Variants in NECTIN1 observed in about 807,000 individuals in gnomAD.
NECTIN1 encodes the protein nectin cell adhesion molecule 1.
NECTIN1 carries 23 observed loss-of-function variants against 48.0 expected under a neutral mutation model. The ratio of observed to expected loss-of-function variants is 0.48; its 90% CI spans 0.34 to 0.68. NECTIN1 has a LOEUF of 0.68. Ranked by LOEUF, NECTIN1 falls within the 30% of genes least tolerant of loss-of-function variation. The pLI is 0.01. For missense variants in NECTIN1, 591 were observed against 709.9 expected (o/e 0.83, Z 1.90); for synonymous variants, 270 against 288.9 (o/e 0.93, Z 0.66).
At chr11:119,647,160 CAT>C (rs1491191888) in intron 5 of NECTIN1, among the ~76,000 whole-genome samples, 17 of 71,356 alleles carry the variant, frequency 2.4e-4, no homozygotes, top group African/African-American at 6.0e-4. Context: ...GCTTGCGGCG[CAT>C]GTGTGTGTGT....
At position 119,665,016 on chromosome 11, in the gene NECTIN1, C is replaced by A. The variant is rs1197081462; in HGVS notation, c.1285G>T (p.Gly429Cys). The change falls in exon 6 of 6, where the codon GGC (glycine) becomes TGC (cysteine). Residue 429 changes from glycine (G) to cysteine (C), a missense_variant. By Grantham distance (159) the Gly-to-Cys change is radical. Transcript: ENST00000264025. The surrounding 1 kb of genome is among the most constrained non-coding windows in gnomAD (Gnocchi z 5.1). ...PDDSDDEKKA[G>C]PLGGSSYEEE... ...TCATAGCTGCTTCCACCCAGTGGGC[C>A]GGCCTTCTTCTCGTCGTCTGAGTCG... The A allele has an allele frequency of 6.2e-7, 1 of 1,613,814 alleles. No individual in the cohort carries two copies. The highest frequency in any genetic ancestry group is 8.5e-7 in the Non-Finnish European group (1 of 1,179,908).
At chr11:119,640,200 C>G (rs73571279) in intron 5 of NECTIN1, 9,636 of 644,952 alleles carry the variant, frequency 0.015, 650 homozygotes, top group African/African-American at 0.15. Context: ...GGCTCCTCCT[C>G]TAGTTCCCTA....
chr11:119,638,802 C>G lies in NECTIN1; in HGVS notation c.1156G>C (p.Asp386His), dbSNP rs143612966. 1.9e-6 allele frequency: 3 copies of G among 1,613,474 alleles called. No homozygotes were observed. In the East Asian group the frequency reaches 6.7e-5, roughly 36 times the overall value. Residue 386 changes from aspartate (D) to histidine (H), a missense_variant, in exon 7 of 8, where the codon GAC (aspartate) becomes CAC (histidine). Asp to His is a moderately conservative substitution (Grantham distance 81, BLOSUM62 -1). Coordinates refer to the NECTIN1 transcript ENST00000341398. ...TCCGGCTTCTGGGAGAGGGGCTGGT[C>G]GGTCCTGGAGACAGAATGAGGGTAA...
intron 5 of NECTIN1, among the ~76,000 whole-genome samples, chr11:119,644,056 C>A (rs1864361277): frequency 6.6e-6 from 1 of 152,234 alleles, no homozygotes; most frequent in Non-Finnish European, 1.5e-5. Flanking sequence ...CTGGGCTCCT[C>A]TCAATGGCTT....
chr11:119,681,513 T>C (rs1299956596), intron 1 of NECTIN1, among the ~76,000 whole-genome samples: 3 of 152,190 alleles, frequency 2.0e-5, no homozygotes, highest in Non-Finnish European at 4.4e-5. Flanking sequence ...TGACATTCAT[T>C]GTCTGAGTCT....
At chr11:119,705,034 T>G (rs1421307497) in intron 1 of NECTIN1, among the ~76,000 whole-genome samples, 2 of 152,210 alleles carry the variant, frequency 1.3e-5, no homozygotes, top group African/African-American at 4.8e-5. Context: ...GTGAGAGAAC[T>G]GTGTAGATGC....
intron 1 of NECTIN1, chr11:119,713,467 C>T (rs1865689842): frequency 6.0e-6 from 1 of 166,218 alleles, no homozygotes; most frequent in Non-Finnish European, 1.3e-5. Context: ...AATTCCTGGC[C>T]TCCCCTAGCT....
At chr11:119,669,738 G>A (rs919728372) in intron 5 of NECTIN1, among the ~76,000 whole-genome samples, 12 of 152,018 alleles carry the variant, frequency 7.9e-5, no homozygotes, top group Non-Finnish European at 1.2e-4. Flanking sequence ...GGCACACACT[G>A]CACGGGCTGC....
At chr11:119,714,972 G>A (rs1865722043) in intron 1 of NECTIN1, among the ~76,000 whole-genome samples, 1 of 152,144 alleles carries the variant, frequency 6.6e-6, no homozygotes, top group African/African-American at 2.4e-5. Context: ...GACGGGGGCC[G>A]AGGCTGTCTG....
intron 7 of NECTIN1, chr11:119,638,385 C>G: frequency 8.4e-7 from 1 of 1,188,578 alleles, no homozygotes; most frequent in Non-Finnish European, 1.2e-6. Flanking sequence ...TGGTGACTGT[C>G]TTGGAGGGCA....
chr11:119,704,403 T>C, intron 1 of NECTIN1, among the ~76,000 whole-genome samples: 1 of 152,070 alleles, frequency 6.6e-6, no homozygotes, highest in East Asian at 1.9e-4. Context: ...ATATTTTTAG[T>C]AGAAATAGGG....
intron 1 of NECTIN1, among the ~76,000 whole-genome samples, chr11:119,711,925 G>A (rs1044945248): frequency 1.3e-5 from 2 of 152,228 alleles, no homozygotes; most frequent in African/African-American, 4.8e-5. Flanking sequence ...ATGGCTGGAT[G>A]GGTGTGGTGG....
At chr11:119,699,703 C>T (rs560151092) in intron 1 of NECTIN1, among the ~76,000 whole-genome samples, 16 of 152,186 alleles carry the variant, frequency 1.1e-4, no homozygotes, top group Non-Finnish European at 1.6e-4. Context: ...CTGGAGTGCT[C>T]ATGAAGTCCT....
intron 5 of NECTIN1, among the ~76,000 whole-genome samples, chr11:119,650,645 A>G (rs1051875866): frequency 2.0e-4 from 31 of 152,270 alleles, no homozygotes; most frequent in African/African-American, 7.2e-4. Flanking sequence ...GTAGGGTTGC[A>G]GAGTGGTTAG....
In NECTIN1 at chr11:119,675,032, C is replaced by T. The variant is rs1210016871; in HGVS notation, c.1003+127G>A. ...CAAAGCAAAACCAATGGCCAGAGCTCAAGGGAGAACTAGAGAAGCAGGAAA... is the reference window on the plus strand; with the variant it reads ...CAAAGCAAAACCAATGGCCAGAGCTTAAGGGAGAACTAGAGAAGCAGGAAA... On this transcript the variant is annotated intron_variant, in intron 5 of 5. Coordinates refer to ENST00000264025, the MANE Select transcript of NECTIN1 (RefSeq NM_002855.5). The T allele has an allele frequency of 5.0e-6, 6 of 1,208,912 alleles. No individual in the cohort carries two copies. In the Admixed American group the frequency reaches 9.9e-5, roughly 20 times the overall value. 74.9% of individuals were successfully genotyped at this position (1,208,912 alleles called of 1,614,324 possible).
At chr11:119,648,301 G>GTGGTGA (rs1864433461) in intron 5 of NECTIN1, among the ~76,000 whole-genome samples, 2 of 12,920 alleles carry the variant, frequency 1.5e-4, no homozygotes, top group Non-Finnish European at 2.8e-4. Flanking sequence ...GGTGGTGGTG[G>GTGGTGA]TGGTGATGGT....
rs974206337 is a variant in NECTIN1 at position 119,663,194 on chromosome 11, G to A, written c.*1553C>T. On this transcript the variant is annotated 3_prime_UTR_variant, in exon 6 of 6. Transcript: ENST00000264025. ...CCAGTGGGCAGGCATGAAGGGCCGC[G>A]AAGCCTGCCTCTCCATCCCAGGGTC... 2.9e-5 allele frequency: 29 copies of A among 985,354 alleles called. No homozygotes were observed. Among genetic ancestry groups the A allele is most frequent in the South Asian group, 1.4e-4 (3 of 21,298 alleles). The allele number at this position is 985,354 out of a possible 1,614,324, so 61.0% of individuals were successfully genotyped here.
In NECTIN1 at chr11:119,662,915, C is replaced by T; in HGVS notation, c.*1832G>A. ...CTACGTGGCTACTGGGCAGCCTGGGCTGGGGCCAGGGCAGTGAGGGCCAGA... is the reference window on the plus strand; with the variant it reads ...CTACGTGGCTACTGGGCAGCCTGGGTTGGGGCCAGGGCAGTGAGGGCCAGA... On this transcript the variant is annotated 3_prime_UTR_variant, in exon 6 of 6. Transcript: ENST00000264025. This position sits in a 1 kb window ranked among gnomAD's most constrained non-coding sequence, Gnocchi z 5.3. The T allele has an allele frequency of 2.0e-6, 2 of 985,984 alleles. No individual in the cohort carries two copies. The highest frequency in any genetic ancestry group is 2.4e-6 in the Non-Finnish European group (2 of 830,140). 61.1% of individuals were successfully genotyped at this position (985,984 alleles called of 1,614,324 possible). A position where few individuals can be genotyped will look rare whatever the true frequency, so the allele number is the denominator to read the frequency against.
In NECTIN1 at chr11:119,728,711, G is replaced by GGGGGGGGGGGGGGGGGGGGGGGGGGC; in HGVS notation, c.-159_-158insGCCCCCCCCCCCCCCCCCCCCCCCCC. 5.1e-6 allele frequency: 1 copy of GGGGGGGGGGGGGGGGGGGGGGGGGGC among 197,172 alleles called. No individual in the cohort carries two copies. The allele number at this position is 197,172 out of a possible 1,614,324, so 12.2% of individuals were successfully genotyped here. Reference sequence around the variant, plus strand: ...GGCCGGGGCGGGGTGGGCTGGGTGGGATCCGCGCGGCCGCAGTCCGGGCCC... The same window carrying GGGGGGGGGGGGGGGGGGGGGGGGGGC: ...GGCCGGGGCGGGGTGGGCTGGGTGGGGGGGGGGGGGGGGGGGGGGGGGGGGCATCCGCGCGGCCGCAGTCCGGGCCC... On this transcript the variant is annotated 5_prime_UTR_variant, in exon 1 of 6. It adds an upstream start codon to the 5' untranslated region. Coordinates refer to ENST00000264025, the MANE Select transcript of NECTIN1 (RefSeq NM_002855.5).
Sources: allele counts gnomAD v4.1 joint callset (sites outside exome capture counted in the v4.1 genomes callset), GRCh38; gene constraint gnomAD v4.1.1; non-coding constraint Gnocchi (gnomAD v3.1); transcripts MANE v1.5; gene names NCBI Gene and HGNC (gene_info 2026-07-23, HGNC 2026-07-21).